Variants in CSMD1 observed in about 807,000 individuals in gnomAD.
The protein encoded by CSMD1 is CUB and sushi domain-containing protein 1.
In CSMD1, 213 loss-of-function variants were observed where a neutral mutation model predicts 417.5. The ratio of observed to expected loss-of-function variants is 0.51; its 90% CI spans 0.46 to 0.57. The LOEUF is 0.57. Among genes scored for constraint, CSMD1 ranks in the 20% least tolerant of loss-of-function variants. CSMD1 has a pLI of 0.00. For synonymous variants in CSMD1, 2,862 were observed against 1,736.8 expected (o/e 1.65, Z -16.11); for missense variants, 6,923 against 4,529.7 (o/e 1.53, Z -15.17).
chr8:3,723,986 T>TA (rs1432785593), intron 6 of CSMD1, among the ~76,000 whole-genome samples: 1 of 51,516 alleles, frequency 1.9e-5, no homozygotes. Context: ...AAGAAAAATG[T>TA]CCACTATTAT....
At chr8:3,138,921 G>A (rs1470339922) in intron 41 of CSMD1, among the ~76,000 whole-genome samples, 1 of 152,204 alleles carries the variant, frequency 6.6e-6, no homozygotes, top group Non-Finnish European at 1.5e-5. Context: ...AAAGAAGAGA[G>A]AAGTTGGAAG....
At chr8:4,541,671 G>A (rs767442637) in intron 2 of CSMD1, among the ~76,000 whole-genome samples, 1 of 152,092 alleles carries the variant, frequency 6.6e-6, no homozygotes, top group Non-Finnish European at 1.5e-5. Context: ...GGAGGCTGAG[G>A]TTGCAGTAAG....
At position 4,141,737 on chromosome 8, in the gene CSMD1, G is replaced by A. The variant is rs554961946; in HGVS notation, c.416-109638C>T. Among the ~76,000 whole-genome samples, 38 of 151,134 alleles carry A rather than the reference G, an allele frequency of 2.5e-4. 1 individual carries two copies. The South Asian group carries it at 2.7e-3, about 11-fold the overall frequency. Reference sequence around the variant, plus strand: ...TCTAATAATCTTGCAACTAAAAACGGATACAGTGATTCATCCCATGCCATC... The same window carrying A: ...TCTAATAATCTTGCAACTAAAAACGAATACAGTGATTCATCCCATGCCATC... On this transcript the variant is annotated intron_variant, in intron 3 of 69. Transcript: ENST00000635120.
chr8:4,250,537 AC>A (rs1802997399), intron 3 of CSMD1, among the ~76,000 whole-genome samples: 1 of 152,058 alleles, frequency 6.6e-6, no homozygotes, highest in African/African-American at 2.4e-5. Flanking sequence ...CATGAAGTCA[AC>A]CCTCAAAAGT....
At chr8:4,750,584 T>G (rs1419870813) in intron 1 of CSMD1, among the ~76,000 whole-genome samples, 1 of 152,148 alleles carries the variant, frequency 6.6e-6, no homozygotes, top group Non-Finnish European at 1.5e-5. Context: ...TATAAGTAAT[T>G]CTGAGTGGTT....
chr8:4,141,902 G>A (rs1422113944), intron 3 of CSMD1, among the ~76,000 whole-genome samples: 3 of 150,948 alleles, frequency 2.0e-5, no homozygotes, highest in Non-Finnish European at 2.9e-5. Context: ...GAAAACATGA[G>A]AACTTCTTAG....
chr8:4,561,861 G>C (rs561555764), intron 2 of CSMD1, among the ~76,000 whole-genome samples: 1 of 152,306 alleles, frequency 6.6e-6, no homozygotes, highest in East Asian at 1.9e-4. Flanking sequence ...ACAGTGACTT[G>C]TTCAAAGCCA....
chr8:4,018,980 T>G (rs1193728740), intron 4 of CSMD1, among the ~76,000 whole-genome samples: 1 of 152,212 alleles, frequency 6.6e-6, no homozygotes, highest in African/African-American at 2.4e-5. Flanking sequence ...TGCTTTGTGT[T>G]TAACTCTGAT....
chr8:4,071,843 C>G (rs1184306953), intron 3 of CSMD1, among the ~76,000 whole-genome samples: 1 of 152,016 alleles, frequency 6.6e-6, no homozygotes, highest in East Asian at 1.9e-4. Flanking sequence ...GTGGTGTGCA[C>G]ATCCACTCTC....
chr8:4,765,627 C>T (rs1369830932), intron 1 of CSMD1, among the ~76,000 whole-genome samples: 1 of 152,174 alleles, frequency 6.6e-6, no homozygotes, highest in Admixed American at 6.6e-5. Flanking sequence ...GGATGCAAGG[C>T]AGAAAACTGC....
chr8:2,982,551 T>C (rs1321614525), intron 54 of CSMD1, among the ~76,000 whole-genome samples: 1 of 152,158 alleles, frequency 6.6e-6, no homozygotes, highest in East Asian at 1.9e-4. Context: ...TGGTGAATTA[T>C]TTGAGCAGTT....
Position 4,680,154 on chromosome 8 carries a change from T to C in CSMD1, c.86-42596A>G, listed in dbSNP as rs145236606. ...GGACAACTATGAATATACACAGCAG[T>C]GTATGTAGAATCAGACCTGTTCTTA... On this transcript the variant is annotated intron_variant, in intron 1 of 69. Transcript: ENST00000635120. Among the ~76,000 whole-genome samples, 16 of 152,184 alleles carry C rather than the reference T, an allele frequency of 1.1e-4. 1 individual carries two copies. The highest frequency in any genetic ancestry group is 2.4e-5 in the African/African-American group (1 of 41,448).
intron 1 of CSMD1, among the ~76,000 whole-genome samples, chr8:4,873,643 T>A (rs954377444): frequency 6.6e-6 from 1 of 152,108 alleles, no homozygotes; most frequent in Non-Finnish European, 1.5e-5. Context: ...ATTCCTCCAT[T>A]CAACTTTCCA....
At chr8:4,327,523 G>C (rs1021285583) in intron 3 of CSMD1, among the ~76,000 whole-genome samples, 3 of 152,232 alleles carry the variant, frequency 2.0e-5, no homozygotes, top group South Asian at 2.1e-4. Flanking sequence ...AGTGTGATGT[G>C]TCAGGCTGTT....
At chr8:4,419,679 T>C (rs962871575) in intron 3 of CSMD1, among the ~76,000 whole-genome samples, 17 of 152,176 alleles carry the variant, frequency 1.1e-4, no homozygotes, top group Admixed American at 2.0e-4. Context: ...TATAGTCAAA[T>C]TTCTCAAAAC....
intron 2 of CSMD1, among the ~76,000 whole-genome samples, chr8:4,596,481 T>G (rs2130749463): frequency 6.6e-6 from 1 of 152,296 alleles, no homozygotes. Flanking sequence ...GACATAATAC[T>G]TAAAATTTTA....
intron 3 of CSMD1, among the ~76,000 whole-genome samples, chr8:4,060,553 T>C (rs1798919063): frequency 6.6e-6 from 1 of 152,070 alleles, no homozygotes; most frequent in African/African-American, 2.4e-5. Flanking sequence ...TCTGCAATGG[T>C]TAACAGTGCG....
chr8:3,457,207 C>G (rs1450405965), intron 12 of CSMD1, among the ~76,000 whole-genome samples: 2 of 151,914 alleles, frequency 1.3e-5, no homozygotes, highest in Non-Finnish European at 2.9e-5. Flanking sequence ...ACCTGGACCC[C>G]CTCATCCTGC....
chr8:4,206,462 T>C (rs1333700194), intron 3 of CSMD1, among the ~76,000 whole-genome samples: 2 of 152,196 alleles, frequency 1.3e-5, no homozygotes, highest in African/African-American at 2.4e-5. Flanking sequence ...TGTGATAGTT[T>C]GCTCAGAATA....
Sources: gnomAD v4.1 joint callset for allele counts (sites outside exome capture counted in the v4.1 genomes callset) on GRCh38, gnomAD v4.1.1 for gene constraint, MANE v1.5 for transcripts, NCBI Gene and HGNC (gene_info 2026-07-23, HGNC 2026-07-21) for gene names.